The following PHYHIPL variants were observed in gnomAD, a reference collection of about 807,000 sequenced individuals.
The protein encoded by PHYHIPL is phytanoyl-CoA hydroxylase-interacting protein-like.
A neutral mutation model predicts 33.4 loss-of-function variants in PHYHIPL; 9 were observed. That is an observed-to-expected ratio of 0.27 (90% CI 0.16 to 0.47). The LOEUF is 0.47. Ranked by LOEUF, PHYHIPL falls within the 20% of genes least tolerant of loss-of-function variation. The pLI is 0.99. For synonymous variants in PHYHIPL, 153 were observed against 154.1 expected (o/e 0.99, Z 0.05); for missense variants, 365 against 460.7 (o/e 0.79, Z 1.90).
chr10:59,224,083 G>C (rs935874420), intron 1 of PHYHIPL, among the ~76,000 whole-genome samples: 1 of 152,098 alleles, frequency 6.6e-6, no homozygotes, highest in East Asian at 1.9e-4. Context: ...GGACTTTTCC[G>C]TTACTATATA....
chr10:59,199,786 G>A lies in PHYHIPL; in HGVS notation c.106+22827G>A, dbSNP rs148059891. Among the ~76,000 whole-genome samples, 749 of 152,192 alleles carry A rather than the reference G, an allele frequency of 4.9e-3. 12 individuals carry two copies. The highest frequency in any genetic ancestry group is 0.017 in the African/African-American group (714 of 41,516). ...AGGTCCTTCACATCCCTTGTAAGTT[G>A]GATTCCTAGGTATTTTCTTCTCTTT... is the stretch of plus-strand genomic sequence containing the variant. On this transcript the variant is annotated intron_variant, in intron 1 of 4. Coordinates refer to ENST00000373880, the MANE Select transcript of PHYHIPL (RefSeq NM_032439.4).
Position 59,247,495 on chromosome 10 carries a change from A to G in PHYHIPL, c.*1904A>G. On this transcript the variant is annotated 3_prime_UTR_variant, in exon 5 of 5. Coordinates refer to ENST00000373880, the MANE Select transcript of PHYHIPL (RefSeq NM_032439.4). ...TTGCTATTCCTTCTTAAAAACAGCT[A>G]ATACTACCACTAAAGTGCTTCCATT... 8.0e-7 allele frequency: 1 copy of G among 1,244,238 alleles called. No individual in the cohort carries two copies. The highest frequency in any genetic ancestry group is 1.5e-5 in the African/African-American group (1 of 66,392). 77.1% of individuals were successfully genotyped at this position (1,244,238 alleles called of 1,614,324 possible).
chr10:59,210,503 T>G (rs944943915), intron 1 of PHYHIPL, among the ~76,000 whole-genome samples: 1 of 152,194 alleles, frequency 6.6e-6, no homozygotes, highest in Non-Finnish European at 1.5e-5. Context: ...TCAACCATTG[T>G]GGAAGACAGT....
chr10:59,209,704 C>T (rs1839391804), intron 1 of PHYHIPL, among the ~76,000 whole-genome samples: 1 of 152,174 alleles, frequency 6.6e-6, no homozygotes. Context: ...CAGCATGGTA[C>T]TGGTACCAAA....
intron 1 of PHYHIPL, among the ~76,000 whole-genome samples, chr10:59,190,893 A>T (rs893466263): frequency 6.6e-6 from 1 of 151,882 alleles, no homozygotes; most frequent in South Asian, 2.1e-4. Flanking sequence ...CCCCGACTTC[A>T]GTGTAAAGGA....
intron 1 of PHYHIPL, among the ~76,000 whole-genome samples, chr10:59,231,828 A>T (rs761064238): frequency 1.3e-5 from 2 of 152,122 alleles, no homozygotes; most frequent in Non-Finnish European, 2.9e-5. Flanking sequence ...TTCACAAAGC[A>T]TCACTAAATT....
At chr10:59,212,007 G>T (rs750610315) in intron 1 of PHYHIPL, among the ~76,000 whole-genome samples, 1 of 152,086 alleles carries the variant, frequency 6.6e-6, no homozygotes, top group African/African-American at 2.4e-5. Context: ...CGGGCTTTGC[G>T]CTCATGAATG....
chr10:59,217,166 T>G (rs1254693634), intron 1 of PHYHIPL, among the ~76,000 whole-genome samples: 2 of 152,112 alleles, frequency 1.3e-5, no homozygotes, highest in Non-Finnish European at 2.9e-5. Context: ...TATTTTGCAG[T>G]AGAGACACTT....
intron 4 of PHYHIPL, among the ~76,000 whole-genome samples, chr10:59,244,784 A>C (rs1302171469): frequency 6.6e-6 from 1 of 152,012 alleles, no homozygotes; most frequent in Non-Finnish European, 1.5e-5. Context: ...TTCTAATTCC[A>C]GTTTGATTTT....
chr10:59,174,722 C>T (rs1038182224), upstream of PHYHIPL, among the ~76,000 whole-genome samples: 4 of 152,142 alleles, frequency 2.6e-5, no homozygotes, highest in Non-Finnish European at 5.9e-5. Context: ...TTAATAATTT[C>T]TCATTCCCTT....
chr10:59,226,478 G>A (rs765378760), intron 1 of PHYHIPL, among the ~76,000 whole-genome samples: 1 of 152,126 alleles, frequency 6.6e-6, no homozygotes, highest in Non-Finnish European at 1.5e-5. Flanking sequence ...CAGGAGTCAG[G>A]TGGATGTAAT....
intron 1 of PHYHIPL, among the ~76,000 whole-genome samples, chr10:59,224,002 G>A (rs1344814915): frequency 2.0e-5 from 3 of 152,114 alleles, no homozygotes; most frequent in Non-Finnish European, 4.4e-5. Flanking sequence ...GGCTCAGAGA[G>A]ACTAAATGAT....
At chr10:59,231,817 A>G (rs919525500) in intron 1 of PHYHIPL, among the ~76,000 whole-genome samples, 5 of 152,106 alleles carry the variant, frequency 3.3e-5, no homozygotes, top group African/African-American at 7.2e-5. Flanking sequence ...TCAAATATTA[A>G]TTCACAAAGC....
chr10:59,183,636 G>T (rs555969041), intron 1 of PHYHIPL: 4 of 984,714 alleles, frequency 4.1e-6, no homozygotes, highest in African/African-American at 3.5e-5. Flanking sequence ...TGTTACAAAT[G>T]TAACTAAGAG....
intron 1 of PHYHIPL, among the ~76,000 whole-genome samples, chr10:59,231,860 G>A (rs910742832): frequency 6.6e-6 from 1 of 151,928 alleles, no homozygotes; most frequent in African/African-American, 2.4e-5. Context: ...AACAATTACA[G>A]ACAACACTTC....
chr10:59,237,030 A>C (rs1423675246), intron 3 of PHYHIPL, among the ~76,000 whole-genome samples: 1 of 148,502 alleles, frequency 6.7e-6, no homozygotes, highest in Admixed American at 6.8e-5. Flanking sequence ...CATTTTCACC[A>C]GTACTGAAAG....
intron 2 of PHYHIPL, 51 bp from the exon 3 acceptor site, chr10:59,236,432 C>T (rs1219043509): frequency 1.7e-6 from 2 of 1,198,824 alleles, no homozygotes. Context: ...TTCCTTCGTC[C>T]CTCTCTGTCT....
At chr10:59,227,333 G>T (rs1194148724) in intron 1 of PHYHIPL, among the ~76,000 whole-genome samples, 1 of 152,052 alleles carries the variant, frequency 6.6e-6, no homozygotes, top group Non-Finnish European at 1.5e-5. Context: ...TGCACTAGAG[G>T]CTGGGCTAAC....
chr10:59,180,255 T>TACACAC lies in PHYHIPL; in HGVS notation c.106+3297_106+3298insCACACA, dbSNP rs199854033. ...GTGCTTTTCGTCTTTTAATCATATA[T>TACACAC]ATACACACACACACACACACACATA... On this transcript the variant is annotated intron_variant, in intron 1 of 4. Coordinates refer to ENST00000373880, the MANE Select transcript of PHYHIPL (RefSeq NM_032439.4). Among the ~76,000 whole-genome samples the TACACAC allele has an allele frequency of 1.1e-3, 113 of 105,004 alleles. 2 individuals carry two copies. Among genetic ancestry groups the TACACAC allele is most frequent in the African/African-American group, 4.2e-3 (96 of 22,796 alleles). The allele number at this position is 105,004 out of a possible 152,430, so 68.9% of individuals were successfully genotyped here.
Sources: gnomAD v4.1 joint callset for allele counts (sites outside exome capture counted in the v4.1 genomes callset) on GRCh38, gnomAD v4.1.1 for gene constraint, MANE v1.5 for transcripts, NCBI Gene and HGNC (gene_info 2026-07-23, HGNC 2026-07-21) for gene names.